The following EPB41L5 variants were observed in gnomAD, a reference collection of about 807,000 sequenced individuals.
EPB41L5 encodes the protein band 4.1-like protein 5.
Under a neutral mutation model 106.6 loss-of-function variants are expected in EPB41L5, and 55 were observed. That is an observed-to-expected ratio of 0.52 (90% CI 0.42 to 0.65). The LOEUF (loss-of-function observed/expected upper bound fraction) is 0.65, where lower values mean the gene tolerates loss of function less well. Ranked by LOEUF, EPB41L5 falls within the 30% of genes least tolerant of loss-of-function variation. EPB41L5 has a pLI of 0.00. For synonymous variants in EPB41L5, 297 were observed against 306.7 expected (o/e 0.97, Z 0.33); for missense variants, 871 against 882.1 (o/e 0.99, Z 0.16).
At position 120,079,405 on chromosome 2, in the gene EPB41L5, T is replaced by G. The variant is rs527962187; in HGVS notation, c.803+824T>G. Among the ~76,000 whole-genome samples the G allele has an allele frequency of 3.0e-4, 46 of 152,306 alleles. No homozygotes were observed. In the South Asian group the frequency reaches 9.5e-3, roughly 32 times the overall value. ...CTGCTGCCTTTCTGAATTCTCTGAC[T>G]CAGATCCCTCACACTTAACTGCTGA... On this transcript the variant is annotated intron_variant, in intron 10 of 24. Transcript: ENST00000263713.
chr2:120,054,215 T>C (rs913061379), intron 3 of EPB41L5, among the ~76,000 whole-genome samples: 1 of 152,230 alleles, frequency 6.6e-6, no homozygotes, highest in African/African-American at 2.4e-5. Context: ...TTTGGAGAAA[T>C]GTCTATTCAG....
chr2:120,176,286 G>A lies in EPB41L5; in HGVS notation c.*1379G>A, dbSNP rs1687915457. ...AACTGATCTTAAGCTATACCTCCTGGAATTTGCTTTCTAGTTTTCTGTCCT... is the reference window on the plus strand; with the variant it reads ...AACTGATCTTAAGCTATACCTCCTGAAATTTGCTTTCTAGTTTTCTGTCCT... On this transcript the variant is annotated 3_prime_UTR_variant, in exon 25 of 25. Coordinates refer to ENST00000263713, the MANE Select transcript of EPB41L5 (RefSeq NM_020909.4). The A allele has an allele frequency of 6.6e-6, 1 of 152,330 alleles. No homozygotes were observed. The highest frequency in any genetic ancestry group is 2.1e-4 in the South Asian group (1 of 4,828). The allele number at this position is 152,330 out of a possible 1,614,324, so 9.4% of individuals were successfully genotyped here. A position where few individuals can be genotyped will look rare whatever the true frequency, so the allele number is the denominator to read the frequency against.
chr2:120,143,634 A>G (rs936947786), intron 19 of EPB41L5, among the ~76,000 whole-genome samples: 3 of 152,102 alleles, frequency 2.0e-5, no homozygotes, highest in Admixed American at 6.5e-5. Context: ...ACCAGGACAG[A>G]AGCCTGCCTC....
intron 3 of EPB41L5, among the ~76,000 whole-genome samples, chr2:120,042,996 TG>T (rs369093023): frequency 0.77 from 97,307 of 126,724 alleles, 34,030 homozygotes; most frequent in Non-Finnish European, 0.81. Context: ...TTTCTGGAAA[TG>T]TGTGTGTGTG....
chr2:120,141,117 A>G (rs1313430869), intron 18 of EPB41L5, among the ~76,000 whole-genome samples: 1 of 152,088 alleles, frequency 6.6e-6, no homozygotes, highest in Admixed American at 6.6e-5. Flanking sequence ...TGCAGGATTT[A>G]TACAGTCACC....
intron 16 of EPB41L5, among the ~76,000 whole-genome samples, chr2:120,110,470 A>G (rs895262446): frequency 2.6e-5 from 4 of 152,102 alleles, no homozygotes; most frequent in Non-Finnish European, 5.9e-5. Flanking sequence ...TGAACTTTTA[A>G]ATTTCCACAC....
intron 18 of EPB41L5, among the ~76,000 whole-genome samples, chr2:120,132,175 A>G (rs891696328): frequency 6.6e-6 from 1 of 152,176 alleles, no homozygotes; most frequent in African/African-American, 2.4e-5. Context: ...GATACATACC[A>G]ATTACACCAA....
At chr2:120,164,103 C>T (rs1017555268) in intron 21 of EPB41L5, among the ~76,000 whole-genome samples, 3 of 150,792 alleles carry the variant, frequency 2.0e-5, no homozygotes, top group African/African-American at 7.3e-5. Flanking sequence ...CTGCCTCAGC[C>T]TCTCGAGTAG....
intron 18 of EPB41L5, among the ~76,000 whole-genome samples, chr2:120,135,411 A>C (rs185842870): frequency 6.6e-6 from 1 of 152,322 alleles, no homozygotes; most frequent in Non-Finnish European, 1.5e-5. Flanking sequence ...CCAAACCTAG[A>C]GAAAGATATC....
intron 13 of EPB41L5, among the ~76,000 whole-genome samples, chr2:120,092,321 A>C (rs1683477432): frequency 1.3e-5 from 2 of 152,196 alleles, no homozygotes; most frequent in African/African-American, 2.4e-5. Flanking sequence ...ATGCCTGGCC[A>C]AAACATTGTC....
chr2:120,090,997 A>G lies in EPB41L5; in HGVS notation c.1043+481A>G, dbSNP rs533917721. 1.9e-4 allele frequency among the ~76,000 whole-genome samples: 29 copies of G among 152,300 alleles called. 3 individuals are homozygous for G. The East Asian group carries it at 2.5e-3, about 13-fold the overall frequency. On this transcript the variant is annotated intron_variant, in intron 12 of 24. Coordinates refer to ENST00000263713, the MANE Select transcript of EPB41L5 (RefSeq NM_020909.4). Reference sequence around the variant, plus strand: ...ATTGGTTGTGAGTTTTCTGCATGCCATGGAAATCAGTTAAAGAAGGAATGG... The same window carrying G: ...ATTGGTTGTGAGTTTTCTGCATGCCGTGGAAATCAGTTAAAGAAGGAATGG...
At chr2:120,105,330 A>G (rs1018807404) in intron 16 of EPB41L5, 1 of 960,700 alleles carries the variant, frequency 1.0e-6, no homozygotes, top group African/African-American at 1.8e-5. Flanking sequence ...AAATTTATAG[A>G]TATTTTATAT....
At chr2:120,098,710 G>A (rs1683934822) in intron 14 of EPB41L5, among the ~76,000 whole-genome samples, 1 of 152,138 alleles carries the variant, frequency 6.6e-6, no homozygotes, top group Non-Finnish European at 1.5e-5. Context: ...ACTTGTAATT[G>A]ATCTGTAGTT....
At chr2:120,074,216 G>C in intron 5 of EPB41L5, 38 bp downstream of exon 5, 2 of 1,494,876 alleles carry the variant, frequency 1.3e-6, no homozygotes, top group Non-Finnish European at 1.8e-6. Flanking sequence ...GGGTTATTTT[G>C]ATAGTTTTGA....
chr2:120,033,360 T>C (rs1442168526), intron 2 of EPB41L5, among the ~76,000 whole-genome samples: 2 of 152,132 alleles, frequency 1.3e-5, no homozygotes, highest in African/African-American at 2.4e-5. Flanking sequence ...AAAAGTAAGA[T>C]GTTCTGAGAA....
In EPB41L5 at chr2:120,084,567, T is replaced by C. The variant is rs574644482; in HGVS notation, c.804-2604T>C. On this transcript the variant is annotated intron_variant, in intron 10 of 24. Coordinates refer to ENST00000263713, the MANE Select transcript of EPB41L5 (RefSeq NM_020909.4). Reference sequence around the variant, plus strand: ...CTGGCTGCCCTTAACATTTTTTCCTTCATTTCCACTTTGGTGAATCTGACA... The same window carrying C: ...CTGGCTGCCCTTAACATTTTTTCCTCCATTTCCACTTTGGTGAATCTGACA... 9.3e-4 allele frequency among the ~76,000 whole-genome samples: 141 copies of C among 152,320 alleles called. 1 individual carries two copies. Among genetic ancestry groups the C allele is most frequent in the African/African-American group, 3.3e-3 (136 of 41,580 alleles).
chr2:120,070,192 AT>A (rs1681761074), intron 3 of EPB41L5, among the ~76,000 whole-genome samples: 1 of 152,202 alleles, frequency 6.6e-6, no homozygotes. Flanking sequence ...ATCAGAAAAT[AT>A]TGTAAACACC....
At chr2:120,104,290 A>G in intron 16 of EPB41L5, 1 of 1,507,840 alleles carries the variant, frequency 6.6e-7, no homozygotes, top group Non-Finnish European at 8.8e-7. Context: ...AGTTGATGGT[A>G]TACATTATCT....
In EPB41L5 at chr2:120,048,457, A is replaced by G. The variant is rs201389024; in HGVS notation, c.285+6347A>G. Among the ~76,000 whole-genome samples the G allele has an allele frequency of 2.0e-5, 3 of 152,122 alleles. No individual in the cohort carries two copies. The East Asian group carries it at 5.8e-4, about 29-fold the overall frequency. ...TTTGTTTATTTGCGTAGAGGTGTTT[A>G]TAGTATTCTCTGATGGTAGTTTGTA... On this transcript the variant is annotated intron_variant, in intron 3 of 24. Coordinates refer to ENST00000263713, the MANE Select transcript of EPB41L5 (RefSeq NM_020909.4).
Sources: allele counts gnomAD v4.1 joint callset (sites outside exome capture counted in the v4.1 genomes callset), GRCh38; gene constraint gnomAD v4.1.1; transcripts MANE v1.5; gene names NCBI Gene and HGNC (gene_info 2026-07-23, HGNC 2026-07-21).